Variants in LDLRAD3 observed in about 807,000 individuals in gnomAD.
LDLRAD3 encodes the protein low-density lipoprotein receptor class A domain-containing protein 3.
LDLRAD3 carries 20 observed loss-of-function variants against 29.4 expected under a neutral mutation model. That is an observed-to-expected ratio of 0.68 (90% CI 0.48 to 0.99). The LOEUF (loss-of-function observed/expected upper bound fraction) is 0.99. LDLRAD3 is among the 50% of genes least tolerant of loss of function. The pLI is 0.00. For synonymous variants in LDLRAD3, 157 were observed against 192.7 expected, an observed-to-expected ratio of 0.81 and a Z score of 1.53; for missense variants, 420 against 454.3, an observed-to-expected ratio of 0.92 and a Z score of 0.69.
chr11:36,038,174 A>C (rs1206756287), intron 2 of LDLRAD3, among the ~76,000 whole-genome samples: 3 of 152,202 alleles, frequency 2.0e-5, no homozygotes, highest in Non-Finnish European at 4.4e-5. Flanking sequence ...CTGGGATTAC[A>C]GATTACAGAT....
chr11:36,186,504 C>T (rs1242206202), intron 4 of LDLRAD3, among the ~76,000 whole-genome samples: 1 of 152,190 alleles, frequency 6.6e-6, no homozygotes, highest in Non-Finnish European at 1.5e-5. Flanking sequence ...CAGGCCAGTA[C>T]ATTCTTGCCA....
In LDLRAD3 at chr11:36,229,204, C is replaced by G. The variant is rs749835303; in HGVS notation, c.845C>G (p.Thr282Arg). The G allele has an allele frequency of 1.9e-6, 3 of 1,613,882 alleles. No homozygotes were observed. Among genetic ancestry groups the G allele is most frequent in the African/African-American group, 1.3e-5 (1 of 74,874 alleles). The change falls in exon 6 of 6, where the codon ACG (threonine) becomes AGG (arginine). Residue 282 changes from threonine (T) to arginine (R), a missense_variant. This residue lies in a region of LDLRAD3 where 140 missense variants were observed against 139.9 expected (regional missense o/e 1.00). Coordinates refer to ENST00000315571, the MANE Select transcript of LDLRAD3 (RefSeq NM_174902.4). Reference sequence around the variant, plus strand: ...CCTCCACCGCCCTACTCTTCTGACACGGAATCTCTGAACCAAGCCGACCTG... The same window carrying G: ...CCTCCACCGCCCTACTCTTCTGACAGGGAATCTCTGAACCAAGCCGACCTG... The part of the protein sequence containing the change: ...DLPPPPYSSD[T>R]ESLNQADLPP...
chr11:35,966,648 C>T (rs540654137), intron 1 of LDLRAD3, among the ~76,000 whole-genome samples: 2 of 130,264 alleles, frequency 1.5e-5, no homozygotes, highest in South Asian at 5.3e-4. Flanking sequence ...GAACCTTCTC[C>T]ATCCAGCGTT....
Position 36,122,925 on chromosome 11 carries a change from C to T in LDLRAD3, c.454+24464C>T, listed in dbSNP as rs182339523. On this transcript the variant is annotated intron_variant, in intron 4 of 5. Transcript: ENST00000315571. ...AGTGACTCATGCCTGTAATAAATAC[C>T]AGCACTTTGGGAAGCTGAGGTGGGA... Among the ~76,000 whole-genome samples the T allele has an allele frequency of 2.0e-5, 3 of 152,136 alleles. No homozygotes were observed. In the East Asian group the frequency reaches 5.8e-4, roughly 29 times the overall value.
rs1855548738 is a variant in LDLRAD3, at chr11:36,229,589, GA to G, written c.*193del. On this transcript the variant is annotated 3_prime_UTR_variant, in exon 6 of 6. Coordinates refer to ENST00000315571, the MANE Select transcript of LDLRAD3 (RefSeq NM_174902.4). Reference sequence around the variant, plus strand: ...GTTTTTCTGGCGTCTCAGTTGACATGATCTGTTGTGCGTCTTTTCTGTCAGG... The same window carrying G: ...GTTTTTCTGGCGTCTCAGTTGACATGTCTGTTGTGCGTCTTTTCTGTCAGG... 1.8e-6 allele frequency: 1 copy of G among 561,814 alleles called. No homozygotes were observed. Among genetic ancestry groups the G allele is most frequent in the Non-Finnish European group, 3.2e-6 (1 of 315,768 alleles). 34.8% of individuals were successfully genotyped at this position (561,814 alleles called of 1,614,324 possible).
At chr11:35,950,955 C>T (rs1022873278) in intron 1 of LDLRAD3, among the ~76,000 whole-genome samples, 3 of 152,022 alleles carry the variant, frequency 2.0e-5, no homozygotes, top group Non-Finnish European at 4.4e-5. Context: ...TGGTGGCACG[C>T]ACCTGTAATC....
At chr11:36,155,260 C>T (rs1030348629) in intron 4 of LDLRAD3, among the ~76,000 whole-genome samples, 1 of 152,206 alleles carries the variant, frequency 6.6e-6, no homozygotes, top group East Asian at 1.9e-4. Flanking sequence ...CAGCTCTTGG[C>T]ATGGCGAGCA....
rs1852164326 is a variant in LDLRAD3 at position 36,026,144 on chromosome 11, T to C, written c.47-9959T>C. ...CTGTATGTACCCATTAAAATAGTAT[T>C]TTTTAAACAGGATGTAGGTGATATT... On this transcript the variant is annotated intron_variant, in intron 1 of 5. Coordinates refer to ENST00000315571, the MANE Select transcript of LDLRAD3 (RefSeq NM_174902.4). 1.3e-5 allele frequency among the ~76,000 whole-genome samples: 2 copies of C among 152,168 alleles called. 1 individual carries two copies. The highest frequency in any genetic ancestry group is 4.1e-4 in the South Asian group (2 of 4,832).
intron 1 of LDLRAD3, among the ~76,000 whole-genome samples, chr11:35,956,666 A>G (rs1045305597): frequency 6.6e-5 from 10 of 152,340 alleles, no homozygotes; most frequent in Admixed American, 3.3e-4. Flanking sequence ...TAGGTATAAT[A>G]ATGGTCCTTA....
chr11:36,104,617 A>G (rs1322001628), intron 4 of LDLRAD3, among the ~76,000 whole-genome samples: 1 of 152,186 alleles, frequency 6.6e-6, no homozygotes, highest in Non-Finnish European at 1.5e-5. Flanking sequence ...GTCAGGCACC[A>G]TTCTGAGCAT....
intron 1 of LDLRAD3, among the ~76,000 whole-genome samples, chr11:36,016,550 TC>T (rs373647929): frequency 1.3e-5 from 2 of 152,332 alleles, no homozygotes; most frequent in African/African-American, 4.8e-5. Context: ...ATGCCACCTC[TC>T]CCCTAAATCA....
chr11:36,138,418 A>G (rs956836527), intron 4 of LDLRAD3, among the ~76,000 whole-genome samples: 6 of 152,222 alleles, frequency 3.9e-5, no homozygotes, highest in African/African-American at 1.4e-4. Flanking sequence ...TGACCAAATC[A>G]AAGAGTCCCA....
chr11:36,021,188 G>A (rs551456373), intron 1 of LDLRAD3, among the ~76,000 whole-genome samples: 18 of 152,334 alleles, frequency 1.2e-4, no homozygotes, highest in African/African-American at 4.3e-4. Flanking sequence ...GATGGAGGAT[G>A]TCGTTGAAGG....
At chr11:35,989,716 G>T (rs1415108465) in intron 1 of LDLRAD3, among the ~76,000 whole-genome samples, 1 of 152,158 alleles carries the variant, frequency 6.6e-6, no homozygotes, top group Non-Finnish European at 1.5e-5. Flanking sequence ...AATGTTATTG[G>T]TGGGTAGAAA....
intron 4 of LDLRAD3, among the ~76,000 whole-genome samples, chr11:36,220,911 CTT>C (rs1855417403): frequency 6.6e-6 from 1 of 152,002 alleles, no homozygotes; most frequent in Non-Finnish European, 1.5e-5. Context: ...ATAAATCTAA[CTT>C]TTAAAATATA....
In LDLRAD3 at chr11:36,114,283, G is replaced by A. The variant is rs576532543; in HGVS notation, c.454+15822G>A. Among the ~76,000 whole-genome samples, 13 of 152,308 alleles carry A rather than the reference G, an allele frequency of 8.5e-5. 2 individuals carry two copies. Among genetic ancestry groups the A allele is most frequent in the African/African-American group, 2.9e-4 (12 of 41,580 alleles). ...TGTCCCTCCTTGGGCTCACTCAAGT[G>A]AAATGGGTCGAGCTGCAACACTGTG... On this transcript the variant is annotated intron_variant, in intron 4 of 5. Coordinates refer to ENST00000315571, the MANE Select transcript of LDLRAD3 (RefSeq NM_174902.4).
chr11:36,083,597 T>C (rs1194608364), intron 3 of LDLRAD3, among the ~76,000 whole-genome samples: 1 of 152,122 alleles, frequency 6.6e-6, no homozygotes, highest in Non-Finnish European at 1.5e-5. Context: ...GAGAAGACCA[T>C]AGTTACTAGG....
rs149451273 is a variant in LDLRAD3, at chr11:36,229,165, C to T, written c.806C>T (p.Ala269Val). Residue 269 changes from alanine to valine, a missense_variant, in exon 6 of 6, where the codon GCG becomes GTG. Physicochemically the swap from Ala to Val is moderately conservative, Grantham distance 64. Coordinates refer to ENST00000315571, the MANE Select transcript of LDLRAD3 (RefSeq NM_174902.4). The part of the protein sequence containing the change: ...YSEALLDQRP[A>V]WYDLPPPPYS... The stretch of plus-strand genomic sequence containing the variant: ...CCCTGCTGTCCCCATCACAGGCCTG[C>T]GTGGTATGACCTTCCTCCACCGCCC... 105 of 1,613,014 alleles carry T rather than the reference C, an allele frequency of 6.5e-5. No homozygotes were observed. Among genetic ancestry groups the T allele is most frequent in the Non-Finnish European group, 8.6e-5 (101 of 1,179,172 alleles).
rs566455675 is a variant in LDLRAD3 at position 36,102,167 on chromosome 11, C to T, written c.454+3706C>T. On this transcript the variant is annotated intron_variant, in intron 4 of 5. Transcript: ENST00000315571. Reference sequence around the variant, plus strand: ...CCTCCCAAAGTTCTGGGATTACAGGCGTGAGCCACCGCACCCGGCCGACCC... The same window carrying T: ...CCTCCCAAAGTTCTGGGATTACAGGTGTGAGCCACCGCACCCGGCCGACCC... 223 of 170,206 alleles carry T rather than the reference C, an allele frequency of 1.3e-3. 4 individuals carry two copies. In the South Asian group the frequency reaches 0.015, roughly 12 times the overall value. The allele number at this position is 170,206 out of a possible 1,614,324, so 10.5% of individuals were successfully genotyped here. A position where few individuals can be genotyped will look rare whatever the true frequency, so the allele number is the denominator to read the frequency against.
Sources: gnomAD v4.1 joint callset for allele counts (sites outside exome capture counted in the v4.1 genomes callset) on GRCh38, gnomAD v4.1.1 for gene constraint, gnomAD v4.1.1 regional missense constraint, MANE v1.5 for transcripts, NCBI Gene and HGNC (gene_info 2026-07-23, HGNC 2026-07-21) for gene names.